Variants in EPB41L2 observed in about 807,000 individuals in gnomAD.
EPB41L2 encodes band 4.1-like protein 2.
A neutral mutation model predicts 113.0 loss-of-function variants in EPB41L2; 43 were observed. That is an observed-to-expected ratio of 0.38 (90% CI 0.30 to 0.49). The LOEUF is 0.49. Ranked by LOEUF, EPB41L2 falls within the 20% of genes least tolerant of loss-of-function variation. EPB41L2 has a pLI of 0.95. For synonymous variants in EPB41L2, 442 were observed against 436.7 expected, an observed-to-expected ratio of 1.01 and a Z score of -0.15; for missense variants, 1,147 against 1,223.4, an observed-to-expected ratio of 0.94 and a Z score of 0.93.
At position 130,870,027 on chromosome 6, in the gene EPB41L2, A is replaced by G. The variant is rs774662472; in HGVS notation, c.2143T>C (p.Ser715Pro). 1.2e-6 allele frequency: 2 copies of G among 1,613,614 alleles called. No individual in the cohort carries two copies. The highest frequency in any genetic ancestry group is 1.3e-5 in the African/African-American group (1 of 74,786). The change falls in exon 15 of 20, where the codon TCA becomes CCA. Residue 715 changes from serine to proline, a missense_variant. Coordinates refer to ENST00000337057, the MANE Select transcript of EPB41L2 (RefSeq NM_001431.4). ...ATCTCCCCAGGACCACTCCCAGGTG[A>G]TATCTCTTTACCATTCATTTCTTCT... ...ITEEMNGKEI[S>P]PGSGPGEIRK...
At chr6:130,990,153 T>G (rs1235992916) in intron 1 of EPB41L2, among the ~76,000 whole-genome samples, 1 of 152,084 alleles carries the variant, frequency 6.6e-6, no homozygotes, top group Non-Finnish European at 1.5e-5. Flanking sequence ...AAACCCTGCC[T>G]CTACTGAAAA....
intron 1 of EPB41L2, among the ~76,000 whole-genome samples, chr6:131,021,944 A>G (rs1249960260): frequency 6.6e-6 from 1 of 152,118 alleles, no homozygotes; most frequent in Non-Finnish European, 1.5e-5. Flanking sequence ...TTCACAGACC[A>G]GGGCCGGGGG....
In EPB41L2 at chr6:130,926,642, T is replaced by C; in HGVS notation, c.773A>G (p.Tyr258Cys). The change falls in exon 4 of 20, where the codon TAC becomes TGC. Residue 258 changes from tyrosine (Y) to cysteine (C), a missense_variant. Tyr to Cys is a radical substitution (Grantham distance 194, BLOSUM62 -2). Coordinates refer to ENST00000337057, the MANE Select transcript of EPB41L2 (RefSeq NM_001431.4). ...GCTTTCCTGAAACAAAAGTCCAAAG[T>C]AGTCTTTCTCCAAGAGATTGAGGTG... ...CEHLNLLEKD[Y>C]FGLLFQESPE... is the part of the protein sequence containing the mutation. 6.2e-7 allele frequency: 1 copy of C among 1,610,220 alleles called. No homozygotes were observed. Among genetic ancestry groups the C allele is most frequent in the Non-Finnish European group, 8.5e-7 (1 of 1,179,088 alleles).
At chr6:130,956,872 G>C (rs1207496109) in intron 1 of EPB41L2, among the ~76,000 whole-genome samples, 1 of 152,148 alleles carries the variant, frequency 6.6e-6, no homozygotes, top group Non-Finnish European at 1.5e-5. Context: ...ACTTTTATCT[G>C]TACTTGGTAT....
chr6:130,988,090 G>A (rs1047734529), intron 1 of EPB41L2, among the ~76,000 whole-genome samples: 1 of 151,158 alleles, frequency 6.6e-6, no homozygotes. Flanking sequence ...CACTCCAGCT[G>A]GAGTGACAGA....
intron 1 of EPB41L2, among the ~76,000 whole-genome samples, chr6:131,012,086 TC>T (rs920969639): frequency 2.6e-5 from 4 of 151,976 alleles, no homozygotes; most frequent in Admixed American, 2.6e-4. Context: ...GCACCTGTAG[TC>T]CCAGCTACTC....
intron 3 of EPB41L2, among the ~76,000 whole-genome samples, chr6:130,929,989 T>A (rs1338697023): frequency 6.6e-6 from 1 of 152,016 alleles, no homozygotes; most frequent in Non-Finnish European, 1.5e-5. Flanking sequence ...CCAACCTATA[T>A]TTGCCAAAGT....
intron 18 of EPB41L2, among the ~76,000 whole-genome samples, chr6:130,859,391 A>G (rs1220211868): frequency 1.3e-5 from 2 of 152,142 alleles, no homozygotes; most frequent in African/African-American, 4.8e-5. Flanking sequence ...GCACGCCTGT[A>G]ATCCCAGCTA....
intron 18 of EPB41L2, among the ~76,000 whole-genome samples, chr6:130,863,357 C>T (rs1025370762): frequency 1.3e-5 from 2 of 152,156 alleles, no homozygotes; most frequent in Non-Finnish European, 2.9e-5. Flanking sequence ...GCCTTTAAAC[C>T]AGGCCCACAC....
rs548271470 is a variant in EPB41L2 at position 131,047,616 on chromosome 6, C to T, written c.-15+15539G>A. Among the ~76,000 whole-genome samples the T allele has an allele frequency of 5.3e-5, 8 of 152,284 alleles. No individual in the cohort carries two copies. In the South Asian group the frequency reaches 6.2e-4, roughly 12 times the overall value. ...GCTATAATGCCAACAATTTACACAA[C>T]GATTTCTAAATTAGTGTATCATCAA... is the stretch of plus-strand genomic sequence containing the variant. On this transcript the variant is annotated intron_variant, in intron 1 of 19. Coordinates refer to ENST00000337057, the MANE Select transcript of EPB41L2 (RefSeq NM_001431.4).
chr6:130,873,465 G>GTTTTT lies in EPB41L2; in HGVS notation c.2044-3340_2044-3339insAAAAA, dbSNP rs146101399. On this transcript the variant is annotated intron_variant, in intron 14 of 19. Coordinates refer to ENST00000337057, the MANE Select transcript of EPB41L2 (RefSeq NM_001431.4). ...AATTCCTAATAAACCCCACTATTCAGGTTTTTTTTTTTTTTTGAGACGGAG... is the reference window on the plus strand; with the variant it reads ...AATTCCTAATAAACCCCACTATTCAGTTTTTGTTTTTTTTTTTTTTTGAGACGGAG... 3.4e-5 allele frequency among the ~76,000 whole-genome samples: 5 copies of GTTTTT among 146,156 alleles called. 2 individuals are homozygous for GTTTTT. Among genetic ancestry groups the GTTTTT allele is most frequent in the Non-Finnish European group, 6.0e-5 (4 of 66,706 alleles).
chr6:130,847,559 T>C (rs1777412359), intron 19 of EPB41L2, among the ~76,000 whole-genome samples: 1 of 152,180 alleles, frequency 6.6e-6, no homozygotes, highest in South Asian at 2.1e-4. Context: ...CATTATATCT[T>C]TAGGAAGAAG....
At chr6:130,893,984 A>G (rs1793785054) in intron 10 of EPB41L2, among the ~76,000 whole-genome samples, 1 of 152,154 alleles carries the variant, frequency 6.6e-6, no homozygotes, top group Non-Finnish European at 1.5e-5. Flanking sequence ...GTGGAGCTCT[A>G]GACAGCTGCA....
At chr6:130,999,309 A>G (rs1422645229) in intron 1 of EPB41L2, among the ~76,000 whole-genome samples, 1 of 152,090 alleles carries the variant, frequency 6.6e-6, no homozygotes, top group African/African-American at 2.4e-5. Context: ...AACCAACCAT[A>G]CCCTTTTGCA....
At position 131,053,704 on chromosome 6, in the gene EPB41L2, G is replaced by A. The variant is rs535993309; in HGVS notation, c.-15+9451C>T. Among the ~76,000 whole-genome samples the A allele has an allele frequency of 1.8e-4, 28 of 152,276 alleles. 1 individual carries two copies. Among genetic ancestry groups the A allele is most frequent in the African/African-American group, 6.7e-4 (28 of 41,564 alleles). On this transcript the variant is annotated intron_variant, in intron 1 of 19. Coordinates refer to ENST00000337057, the MANE Select transcript of EPB41L2 (RefSeq NM_001431.4). The stretch of plus-strand genomic sequence containing the variant: ...ACTGCCTTCAGCATTCCTTCTGGGT[G>A]GCATACACAGTTTGTCAGTTTGCCA...
At chr6:130,908,792 C>T (rs1281843946) in intron 5 of EPB41L2, 29 bp downstream of exon 5, 1 of 1,543,144 alleles carries the variant, frequency 6.5e-7, no homozygotes, top group Non-Finnish European at 8.9e-7. Context: ...GACACCTTAA[C>T]TTCAAAGAAT....
intron 19 of EPB41L2, among the ~76,000 whole-genome samples, chr6:130,854,233 T>C (rs929441685): frequency 4.6e-5 from 7 of 152,092 alleles, no homozygotes; most frequent in African/African-American, 1.7e-4. Flanking sequence ...CTGGAGCACA[T>C]CCTCTCTGCC....
At chr6:130,881,783 G>A (rs1337906650) in intron 12 of EPB41L2, 1 of 151,920 alleles carries the variant, frequency 6.6e-6, no homozygotes, top group Admixed American at 6.6e-5. Context: ...TTTTCAAAAA[G>A]CCATGTTTCA....
At chr6:131,048,552 G>A (rs1406432158) in intron 1 of EPB41L2, among the ~76,000 whole-genome samples, 2 of 152,178 alleles carry the variant, frequency 1.3e-5, no homozygotes. Context: ...CAAGAAAAGG[G>A]GAGCAGGGGA....
Sources: gnomAD v4.1 joint callset for allele counts (sites outside exome capture counted in the v4.1 genomes callset) on GRCh38, gnomAD v4.1.1 for gene constraint, MANE v1.5 for transcripts, NCBI Gene and HGNC (gene_info 2026-07-23, HGNC 2026-07-21) for gene names.